Variants in VPS45 observed in about 807,000 individuals in gnomAD.
The protein encoded by VPS45 is vacuolar protein sorting-associated protein 45.
A neutral mutation model predicts 75.9 loss-of-function variants in VPS45; 35 were observed. That is an observed-to-expected ratio of 0.46 (90% CI 0.35 to 0.61). VPS45 has a LOEUF of 0.61. VPS45 is among the 20% of genes least tolerant of loss of function. VPS45 has a pLI of 0.00. For synonymous variants in VPS45, 220 were observed against 238.2 expected (o/e 0.92, Z 0.70); for missense variants, 559 against 685.9 (o/e 0.81, Z 2.07).
At chr1:150,136,258 A>AAAAG (rs1659090576) in intron 14 of VPS45, among the ~76,000 whole-genome samples, 1 of 137,162 alleles carries the variant, frequency 7.3e-6, no homozygotes, top group African/African-American at 2.8e-5. Context: ...ACAAAAAAAA[A>AAAAG]AAAAAAAATT....
intron 14 of VPS45, 57 bp from the exon 15 acceptor site, chr1:150,144,652 T>A (rs1048037819): frequency 1.4e-6 from 2 of 1,467,020 alleles, no homozygotes; most frequent in Non-Finnish European, 1.9e-6. Flanking sequence ...AGCAAGACAT[T>A]CTATTTTTGG....
At chr1:150,104,016 T>C (rs1657183150) in intron 13 of VPS45, among the ~76,000 whole-genome samples, 1 of 152,230 alleles carries the variant, frequency 6.6e-6, no homozygotes, top group South Asian at 2.1e-4. Context: ...CTTGAGCAAA[T>C]ATATATATTA....
intron 10 of VPS45, among the ~76,000 whole-genome samples, chr1:150,083,827 A>G (rs1345544393): frequency 6.6e-6 from 1 of 152,012 alleles, no homozygotes; most frequent in Non-Finnish European, 1.5e-5. Context: ...CATTGGAAGG[A>G]AGTTGGGCTT....
intron 13 of VPS45, among the ~76,000 whole-genome samples, chr1:150,094,412 G>C (rs987484139): frequency 8.5e-5 from 13 of 152,104 alleles, no homozygotes; most frequent in Non-Finnish European, 1.3e-4. Flanking sequence ...TGGAAGTATA[G>C]TGTTTTATAA....
At position 150,067,933 on chromosome 1, in the gene VPS45, C is replaced by G. The variant is rs1275704041; in HGVS notation, c.76C>G (p.Leu26Val). The change falls in exon 1 of 15, where the codon CTC becomes GTC. Residue 26 changes from leucine to valine, a missense_variant. Leu to Val is a conservative substitution (Grantham distance 32, BLOSUM62 1). Coordinates refer to ENST00000644510, the MANE Select transcript of VPS45 (RefSeq NM_007259.5). Reference sequence around the variant, plus strand: ...CAGCGGGCCTGGTATGAAAGTACTTCTCATGGATAAAGAGACGGTGAGTTT... The same window carrying G: ...CAGCGGGCCTGGTATGAAAGTACTTGTCATGGATAAAGAGACGGTGAGTTT... ...EDSGPGMKVL[L>V]MDKETTGIVS... is the part of the protein sequence containing the mutation. 6.2e-7 allele frequency: 1 copy of G among 1,614,196 alleles called. No homozygotes were observed. Among genetic ancestry groups the G allele is most frequent in the African/African-American group, 1.3e-5 (1 of 75,054 alleles).
chr1:150,089,300 A>C (rs1656195254), intron 10 of VPS45, among the ~76,000 whole-genome samples: 1 of 152,200 alleles, frequency 6.6e-6, no homozygotes, highest in Non-Finnish European at 1.5e-5. Context: ...TGTGCCTATA[A>C]GAAAAGTAAC....
chr1:150,120,864 CTTTTTT>C (rs370159689), intron 14 of VPS45, among the ~76,000 whole-genome samples: 3 of 86,038 alleles, frequency 3.5e-5, no homozygotes, highest in Non-Finnish European at 4.7e-5. Context: ...TAGCAACATT[CTTTTTT>C]TTTTTTTTTT....
chr1:150,068,023 A>C, intron 1 of VPS45, 73 bp downstream of exon 1: 1 of 1,418,546 alleles, frequency 7.0e-7, no homozygotes, highest in South Asian at 1.2e-5. Flanking sequence ...ATTCCACTGT[A>C]GGACTTAGCA....
chr1:150,104,501 T>C (rs1559923975), intron 13 of VPS45, among the ~76,000 whole-genome samples: 2 of 152,220 alleles, frequency 1.3e-5, no homozygotes, highest in South Asian at 4.1e-4. Context: ...TTTTATATGA[T>C]GATTTCCTTT....
intron 13 of VPS45, among the ~76,000 whole-genome samples, chr1:150,107,266 A>G (rs1391211054): frequency 1.3e-5 from 2 of 152,174 alleles, no homozygotes; most frequent in Non-Finnish European, 2.9e-5. Context: ...AGAATATTCC[A>G]CAGGTATCTA....
intron 13 of VPS45, among the ~76,000 whole-genome samples, chr1:150,095,189 A>C (rs1656551785): frequency 6.6e-6 from 1 of 152,224 alleles, no homozygotes; most frequent in Non-Finnish European, 1.5e-5. Context: ...GAAGAATATA[A>C]TTTTAATAAG....
intron 7 of VPS45, among the ~76,000 whole-genome samples, chr1:150,079,181 A>G (rs1655560240): frequency 6.6e-6 from 1 of 151,174 alleles, no homozygotes; most frequent in Non-Finnish European, 1.5e-5. Flanking sequence ...CGAAGCCTGT[A>G]TTCTTTCAGT....
intron 14 of VPS45, among the ~76,000 whole-genome samples, chr1:150,125,245 C>T (rs1553810463): frequency 6.6e-6 from 1 of 150,928 alleles, no homozygotes; most frequent in Non-Finnish European, 1.5e-5. Context: ...TTTAGCATAA[C>T]AGCACATCAA....
intron 10 of VPS45, among the ~76,000 whole-genome samples, chr1:150,085,569 T>C (rs1553800492): frequency 6.6e-6 from 1 of 152,088 alleles, no homozygotes; most frequent in African/African-American, 2.4e-5. Flanking sequence ...ACTTAAATAG[T>C]CTATAAAGGG....
chr1:150,067,447 G>C (rs587716793), upstream of VPS45: 1 of 184,524 alleles, frequency 5.4e-6, no homozygotes, highest in Non-Finnish European at 1.1e-5. Context: ...AATAGGGCAC[G>C]TAGCCACACT....
chr1:150,103,069 A>T lies in VPS45; in HGVS notation c.1494-7427A>T, dbSNP rs587610106. Among the ~76,000 whole-genome samples, 532 of 152,216 alleles carry T rather than the reference A, an allele frequency of 3.5e-3. 3 individuals are homozygous for T. Among genetic ancestry groups the T allele is most frequent in the Non-Finnish European group, 6.3e-3 (427 of 68,014 alleles). On this transcript the variant is annotated intron_variant, in intron 13 of 14. Coordinates refer to ENST00000644510, the MANE Select transcript of VPS45 (RefSeq NM_007259.5). ...CCAGATATCCTATATATTTTTTTTT[A>T]TTTTTAACAAAATAAGATATTATCC...
intron 2 of VPS45, 114 bp from the exon 3 acceptor site, chr1:150,072,052 A>G: frequency 1.4e-6 from 1 of 720,400 alleles, no homozygotes; most frequent in Non-Finnish European, 2.2e-6. Flanking sequence ...CACTTAACCT[A>G]GACTTCAATA....
At chr1:150,091,442 A>G (rs997929312) in intron 10 of VPS45, among the ~76,000 whole-genome samples, 5 of 152,238 alleles carry the variant, frequency 3.3e-5, no homozygotes, top group Non-Finnish European at 5.9e-5. Flanking sequence ...ATTACATGCT[A>G]TTACATACTC....
chr1:150,114,071 A>G (rs587701339), intron 14 of VPS45, among the ~76,000 whole-genome samples: 6 of 152,124 alleles, frequency 3.9e-5, no homozygotes, highest in African/African-American at 7.2e-5. Flanking sequence ...CAAATTAATC[A>G]TTATTTTCAG....
Sources: allele counts gnomAD v4.1 joint callset (sites outside exome capture counted in the v4.1 genomes callset), GRCh38; gene constraint gnomAD v4.1.1; transcripts MANE v1.5; gene names NCBI Gene and HGNC (gene_info 2026-07-23, HGNC 2026-07-21).